RET: variants seen among roughly 807,000 people sequenced by gnomAD.
RET encodes proto-oncogene tyrosine-protein kinase receptor Ret.
In RET, 19 loss-of-function variants were observed where a neutral mutation model predicts 118.3. The ratio of observed to expected loss-of-function variants is 0.16; its 90% CI spans 0.11 to 0.24. The LOEUF is 0.24. Among genes scored for constraint, RET ranks in the 10% least tolerant of loss-of-function variants. The probability of loss-of-function intolerance (pLI) is 1.00; values close to 1 mark genes in which losing one functional copy is unlikely to be tolerated. For missense variants in RET, 1,219 were observed against 1,502.1 expected, an observed-to-expected ratio of 0.81 and a Z score of 3.12; for synonymous variants, 597 against 644.1, an observed-to-expected ratio of 0.93 and a Z score of 1.11.
At chr10:43,125,185 G>A (rs537366978) in intron 18 of RET, among the ~76,000 whole-genome samples, 2 of 152,316 alleles carry the variant, frequency 1.3e-5, no homozygotes, top group East Asian at 1.9e-4. Flanking sequence ...TTCTTTTCAA[G>A]TCATGAAGAA....
chr10:43,082,604 GCT>G (rs34799607), intron 1 of RET, among the ~76,000 whole-genome samples: 51,481 of 151,916 alleles, frequency 0.34, 9,278 homozygotes, highest in South Asian at 0.42. Flanking sequence ...CCTGGCCCTT[GCT>G]CCTCTGTGCT....
chr10:43,122,581 C>T (rs1838241854), intron 16 of RET, among the ~76,000 whole-genome samples: 1 of 152,192 alleles, frequency 6.6e-6, no homozygotes, highest in Non-Finnish European at 1.5e-5. Flanking sequence ...AAGTGTTCTA[C>T]AGTCAGCAGA....
intron 17 of RET, 139 bp from the exon 18 acceptor site, chr10:43,124,744 G>A (rs891077867): frequency 9.4e-6 from 8 of 853,584 alleles, no homozygotes; most frequent in East Asian, 5.0e-5. Flanking sequence ...AGATGTCAGC[G>A]ATGCAGAAAT....
intron 3 of RET, among the ~76,000 whole-genome samples, chr10:43,103,935 A>G (rs1285875242): frequency 6.6e-6 from 1 of 152,222 alleles, no homozygotes; most frequent in Non-Finnish European, 1.5e-5. Flanking sequence ...TTCCGCCTTC[A>G]GCATGCCCCC....
chr10:43,105,671 C>T (rs2132713444), intron 4 of RET, among the ~76,000 whole-genome samples: 1 of 152,318 alleles, frequency 6.6e-6, no homozygotes, highest in East Asian at 1.9e-4. Flanking sequence ...TGGGCCTCGG[C>T]CTTCCTGCAG....
intron 1 of RET, among the ~76,000 whole-genome samples, chr10:43,086,009 G>C (rs1837281095): frequency 6.6e-6 from 1 of 152,058 alleles, no homozygotes; most frequent in African/African-American, 2.4e-5. Context: ...AGCCTTTTTT[G>C]TGTCCTCTCT....
At chr10:43,091,249 A>T (rs1190520806) in intron 1 of RET, among the ~76,000 whole-genome samples, 2 of 152,198 alleles carry the variant, frequency 1.3e-5, no homozygotes, top group African/African-American at 2.4e-5. Flanking sequence ...AAAAACTTGT[A>T]ATTCATAGAT....
Position 43,106,110 on chromosome 10 carries a change from C to T in RET, c.868-266C>T, listed in dbSNP as rs768222856. On this transcript the variant is annotated intron_variant, in intron 4 of 19. Coordinates refer to ENST00000355710, the MANE Select transcript of RET (RefSeq NM_020975.6). This position sits in a 1 kb window ranked among gnomAD's most constrained non-coding sequence, Gnocchi z 5.1. The stretch of plus-strand genomic sequence containing the variant: ...ACCTGCCAGCAGGGTGCCTGGGCAT[C>T]GGCTGTAATTCTCCTTATAAGAGGT... Among the ~76,000 whole-genome samples the T allele has an allele frequency of 2.2e-4, 33 of 152,292 alleles. No homozygotes were observed. Among genetic ancestry groups the T allele is most frequent in the Middle Eastern group, 3.4e-3 (1 of 294 alleles).
At chr10:43,116,440 G>A (rs761496954) in intron 11 of RET, 144 bp from the exon 12 acceptor site, 29 of 1,022,202 alleles carry the variant, frequency 2.8e-5, no homozygotes, top group Non-Finnish European at 3.5e-5. Context: ...GACAGGCAGC[G>A]TTGCCGCTGG....
chr10:43,107,576 C>G (rs940292103), intron 5 of RET, among the ~76,000 whole-genome samples: 1 of 151,306 alleles, frequency 6.6e-6, no homozygotes, highest in Non-Finnish European at 1.5e-5. Flanking sequence ...CACACACACA[C>G]ACACACACAC....
intron 3 of RET, among the ~76,000 whole-genome samples, chr10:43,103,662 T>C (rs767750724): frequency 5.9e-5 from 9 of 152,228 alleles, no homozygotes; most frequent in South Asian, 2.1e-4. Flanking sequence ...CCATCACTTA[T>C]GCTTCCCCAG....
intron 15 of RET, among the ~76,000 whole-genome samples, chr10:43,120,538 CCTTAG>C (rs1838192154): frequency 6.6e-6 from 1 of 152,222 alleles, no homozygotes; most frequent in African/African-American, 2.4e-5. Context: ...TCTGATATGA[CCTTAG>C]CTCTTTTCTC....
chr10:43,111,134 G>A lies in RET; in HGVS notation c.1264-73G>A. 3 of 1,600,080 alleles carry A rather than the reference G, an allele frequency of 1.9e-6. No homozygotes were observed. In the African/African-American group the frequency reaches 4.0e-5, roughly 21 times the overall value. On this transcript the variant is annotated intron_variant, in intron 6 of 19. Transcript: ENST00000355710. ...GGCTGTTCCAGGACTTAGGCTGTGT[G>A]GGAATCTCTACCCTCAGGCCATTAC...
rs1554820314 is a variant in RET at position 43,128,188 on chromosome 10, A to G, written c.3264A>G (p.Pro1088=). ...TRADGTNTGF[P]RYPNDSVYAN... ...CTGATGGCACTAACACTGGGTTTCC[A>G]AGATATCCAAATGATAGTGTATATG... The change falls in exon 20 of 20, where the codon CCA becomes CCG. Residue 1088 remains proline (P), a synonymous_variant. Coordinates refer to ENST00000355710, the MANE Select transcript of RET (RefSeq NM_020975.6). The G allele has an allele frequency of 6.2e-7, 1 of 1,614,236 alleles. No individual in the cohort carries two copies. Among genetic ancestry groups the G allele is most frequent in the Non-Finnish European group, 8.5e-7 (1 of 1,180,036 alleles).
chr10:43,130,176 G>A lies in RET; in HGVS notation c.*1907G>A, dbSNP rs919430359. 7.6e-6 allele frequency: 3 copies of A among 396,304 alleles called. No individual in the cohort carries two copies. The highest frequency in any genetic ancestry group is 2.1e-5 in the African/African-American group (1 of 48,584). The allele number at this position is 396,304 out of a possible 1,614,324, so 24.5% of individuals were successfully genotyped here. On this transcript the variant is annotated 3_prime_UTR_variant, in exon 20 of 20. Transcript: ENST00000355710. ...TAGCTCTACTGGAATTTTCATACAC[G>A]TAAATGCAGAAGTTACTAAGTATTA...
At position 43,123,913 on chromosome 10, in the gene RET, GGGGGGT is replaced by G. The variant is rs1274819670; in HGVS notation, c.2939+110_2939+115del. The G allele has an allele frequency of 9.9e-6, 14 of 1,409,400 alleles. No individual in the cohort carries two copies. The East Asian group carries it at 2.7e-4, about 27-fold the overall frequency. The allele number at this position is 1,409,400 out of a possible 1,614,324, so 87.3% of individuals were successfully genotyped here. Reference sequence around the variant, plus strand: ...AGCCCCAGGAGAAACCAGGAGAAGTGGGGGGTGGGGAGTGGGCAGGGCAGAGGTTAG... The same window carrying G: ...AGCCCCAGGAGAAACCAGGAGAAGTGGGGGAGTGGGCAGGGCAGAGGTTAG... On this transcript the variant is annotated intron_variant, in intron 17 of 19. Transcript: ENST00000355710.
intron 1 of RET, among the ~76,000 whole-genome samples, chr10:43,083,702 A>C (rs1837234565): frequency 6.6e-6 from 1 of 152,232 alleles, no homozygotes. Context: ...CCTGGTCCAC[A>C]TAGCAGGGGC....
At chr10:43,099,725 G>A (rs2435350) in intron 1 of RET, among the ~76,000 whole-genome samples, 29,849 of 152,120 alleles carry the variant, frequency 0.2, 3,419 homozygotes, top group South Asian at 0.29. Context: ...GCCTGCCACA[G>A]GCAGCCAGTC....
At chr10:43,122,177 G>A (rs1838233598) in intron 16 of RET, among the ~76,000 whole-genome samples, 161 bp downstream of exon 16, 1 of 152,140 alleles carries the variant, frequency 6.6e-6, no homozygotes, top group African/African-American at 2.4e-5. Flanking sequence ...CTCACTGAGG[G>A]GCCTTCATGA....
Sources: gnomAD v4.1 joint callset for allele counts (sites outside exome capture counted in the v4.1 genomes callset) on GRCh38, gnomAD v4.1.1 for gene constraint, Gnocchi (gnomAD v3.1) non-coding constraint, MANE v1.5 for transcripts, NCBI Gene and HGNC (gene_info 2026-07-23, HGNC 2026-07-21) for gene names.